The following FHIT variants were observed in gnomAD, a reference collection of about 807,000 sequenced individuals.
The protein encoded by FHIT is bis(5'-adenosyl)-triphosphatase.
A neutral mutation model predicts 17.9 loss-of-function variants in FHIT; 19 were observed. That is an observed-to-expected ratio of 1.06 (90% CI 0.74 to 1.56). The LOEUF (loss-of-function observed/expected upper bound fraction) is 1.56, where lower values mean the gene tolerates loss of function less well. FHIT is among the 40% of genes most tolerant of loss of function. FHIT has a pLI of 0.00. For synonymous variants in FHIT, 81 were observed against 69.7 expected, an observed-to-expected ratio of 1.16 and a Z score of -0.81; for missense variants, 248 against 189.2, an observed-to-expected ratio of 1.31 and a Z score of -1.82.
chr3:61,075,065 T>C (rs2034928789), intron 2 of FHIT, among the ~76,000 whole-genome samples: 1 of 152,204 alleles, frequency 6.6e-6, no homozygotes, highest in South Asian at 2.1e-4. Context: ...AAGCACGGAA[T>C]TGACGGCTAG....
At chr3:60,511,215 G>A (rs942020320) in intron 5 of FHIT, among the ~76,000 whole-genome samples, 1 of 152,152 alleles carries the variant, frequency 6.6e-6, no homozygotes, top group East Asian at 1.9e-4. Flanking sequence ...AGGATTAACA[G>A]AGAAAATATG....
chr3:60,320,246 C>G (rs745526992), intron 5 of FHIT, among the ~76,000 whole-genome samples: 1 of 152,132 alleles, frequency 6.6e-6, no homozygotes, highest in Non-Finnish European at 1.5e-5. Flanking sequence ...ACATAAGCTT[C>G]TAGACAAAAG....
chr3:60,664,854 T>G (rs928365110), intron 4 of FHIT, among the ~76,000 whole-genome samples: 5 of 151,924 alleles, frequency 3.3e-5, no homozygotes, highest in Non-Finnish European at 5.9e-5. Context: ...TATTGGTAAT[T>G]TTGTTATTGT....
At chr3:60,558,445 A>C (rs1182469046) in intron 4 of FHIT, among the ~76,000 whole-genome samples, 2 of 151,816 alleles carry the variant, frequency 1.3e-5, no homozygotes, top group East Asian at 2.0e-4. Context: ...AGAGTCATAT[A>C]GGGAGCTCAG....
chr3:60,987,972 A>G (rs985109863), intron 3 of FHIT, among the ~76,000 whole-genome samples: 4 of 152,226 alleles, frequency 2.6e-5, no homozygotes, highest in Admixed American at 6.5e-5. Context: ...TCTAAAATCA[A>G]TATCTTTACT....
chr3:60,475,359 A>G (rs886530387), intron 5 of FHIT, among the ~76,000 whole-genome samples: 3 of 152,212 alleles, frequency 2.0e-5, no homozygotes, highest in African/African-American at 7.2e-5. Context: ...TTCTTTCCCT[A>G]TTCAATCATT....
chr3:59,987,690 C>A (rs891171311), intron 7 of FHIT, among the ~76,000 whole-genome samples: 1 of 151,788 alleles, frequency 6.6e-6, no homozygotes, highest in Non-Finnish European at 1.5e-5. Flanking sequence ...TTTCATCAAT[C>A]TGGCACTAAA....
chr3:60,814,671 G>A (rs1445191818), intron 4 of FHIT, among the ~76,000 whole-genome samples: 3 of 152,110 alleles, frequency 2.0e-5, no homozygotes, highest in Non-Finnish European at 4.4e-5. Context: ...CAATGAACAT[G>A]CAAGTACATG....
intron 4 of FHIT, among the ~76,000 whole-genome samples, chr3:60,688,276 C>T (rs1257364494): frequency 6.6e-6 from 1 of 152,158 alleles, no homozygotes; most frequent in Admixed American, 6.6e-5. Flanking sequence ...AGGTTAGATG[C>T]ATTTCCCAAG....
At chr3:60,403,760 G>A (rs977739208) in intron 5 of FHIT, among the ~76,000 whole-genome samples, 3 of 152,188 alleles carry the variant, frequency 2.0e-5, no homozygotes, top group African/African-American at 7.2e-5. Flanking sequence ...ATTTCTATAT[G>A]GCTCTCTGTA....
chr3:61,090,874 A>C (rs895530333), intron 2 of FHIT, among the ~76,000 whole-genome samples: 6 of 152,318 alleles, frequency 3.9e-5, no homozygotes, highest in East Asian at 1.9e-4. Context: ...AAGAGTAAAA[A>C]TTGATGACAT....
At chr3:60,663,687 G>A (rs1233175739) in intron 4 of FHIT, among the ~76,000 whole-genome samples, 2 of 152,160 alleles carry the variant, frequency 1.3e-5, no homozygotes, top group African/African-American at 2.4e-5. Context: ...TCAAAGTGCA[G>A]GGATTACAGG....
At chr3:59,778,781 T>C (rs1702445056) in intron 8 of FHIT, among the ~76,000 whole-genome samples, 1 of 152,158 alleles carries the variant, frequency 6.6e-6, no homozygotes. Context: ...TTAAGGGTCT[T>C]GTGGAGAAAA....
intron 4 of FHIT, among the ~76,000 whole-genome samples, chr3:60,746,556 G>A (rs945216198): frequency 2.0e-5 from 3 of 152,098 alleles, no homozygotes; most frequent in Non-Finnish European, 4.4e-5. Flanking sequence ...CTGCCAATCA[G>A]TCACACTGGA....
chr3:60,837,216 C>T (rs1216606110), intron 3 of FHIT, among the ~76,000 whole-genome samples: 1 of 152,026 alleles, frequency 6.6e-6, no homozygotes, highest in African/African-American at 2.4e-5. Flanking sequence ...AAGGGAGGGA[C>T]GTGGAGCCTA....
intron 2 of FHIT, among the ~76,000 whole-genome samples, chr3:61,075,834 T>C (rs1312434284): frequency 1.3e-5 from 2 of 152,182 alleles, no homozygotes; most frequent in Non-Finnish European, 2.9e-5. Flanking sequence ...GTTTTCCTAT[T>C]ACCAAGTTTT....
chr3:59,794,489 T>A (rs1699698118), intron 8 of FHIT, among the ~76,000 whole-genome samples: 1 of 152,232 alleles, frequency 6.6e-6, no homozygotes, highest in Non-Finnish European at 1.5e-5. Flanking sequence ...CACTCATTCT[T>A]AAATTAACAA....
intron 3 of FHIT, among the ~76,000 whole-genome samples, chr3:61,036,654 G>C (rs954232783): frequency 2.0e-5 from 3 of 152,150 alleles, no homozygotes; most frequent in Non-Finnish European, 4.4e-5. Flanking sequence ...AATGTTTTAA[G>C]CATTTCATCC....
chr3:60,412,413 AATC>A (rs1702096329), intron 5 of FHIT, among the ~76,000 whole-genome samples: 1 of 152,074 alleles, frequency 6.6e-6, no homozygotes, highest in African/African-American at 2.4e-5. Flanking sequence ...AGAGATTCAC[AATC>A]ATCATCTCCC....
Sources: gnomAD v4.1 joint callset for allele counts (sites outside exome capture counted in the v4.1 genomes callset) on GRCh38, gnomAD v4.1.1 for gene constraint, MANE v1.5 for transcripts, NCBI Gene and HGNC (gene_info 2026-07-23, HGNC 2026-07-21) for gene names.